OXCT1: variants seen among roughly 807,000 people sequenced by gnomAD.
The protein encoded by OXCT1 is succinyl-CoA:3-ketoacid coenzyme A transferase 1, mitochondrial.
OXCT1 carries 27 observed loss-of-function variants against 69.6 expected under a neutral mutation model. The observed-to-expected ratio is 0.39, with a 90% CI of 0.29 to 0.54. OXCT1 has a LOEUF of 0.54. Ranked by LOEUF, OXCT1 falls within the 20% of genes least tolerant of loss-of-function variation. OXCT1 has a pLI of 0.72. For missense variants in OXCT1, 437 were observed against 650.2 expected (o/e 0.67, Z 3.57); for synonymous variants, 202 against 217.8 (o/e 0.93, Z 0.64).
At chr5:41,765,458 A>T (rs1447839335) in intron 13 of OXCT1, among the ~76,000 whole-genome samples, 1 of 152,166 alleles carries the variant, frequency 6.6e-6, no homozygotes, top group Admixed American at 6.6e-5. Flanking sequence ...ATGAGTAAAA[A>T]AATAAGTGCA....
At chr5:41,864,983 AAC>A (rs1245740339) in intron 1 of OXCT1, among the ~76,000 whole-genome samples, 1 of 152,218 alleles carries the variant, frequency 6.6e-6, no homozygotes, top group Non-Finnish European at 1.5e-5. Flanking sequence ...TATGCTGAGA[AAC>A]ACAAATCCCA....
intron 7 of OXCT1, among the ~76,000 whole-genome samples, chr5:41,816,101 A>G (rs1747230661): frequency 6.6e-6 from 1 of 152,188 alleles, no homozygotes; most frequent in Non-Finnish European, 1.5e-5. Context: ...AGGATGACTC[A>G]ACAGTCCCTA....
At chr5:41,792,679 T>C (rs1401088597) in intron 13 of OXCT1, among the ~76,000 whole-genome samples, 1 of 152,216 alleles carries the variant, frequency 6.6e-6, no homozygotes, top group Non-Finnish European at 1.5e-5. Flanking sequence ...CTTGTAACTA[T>C]GGCTGATTCT....
At chr5:41,740,149 A>G (rs1743094090) in intron 15 of OXCT1, among the ~76,000 whole-genome samples, 1 of 152,176 alleles carries the variant, frequency 6.6e-6, no homozygotes, top group Non-Finnish European at 1.5e-5. Flanking sequence ...TTGAACAAAG[A>G]AAGGAATGAA....
In OXCT1 at chr5:41,807,431, T is replaced by C; in HGVS notation, c.740A>G (p.Glu247Gly). Residue 247 changes from glutamate (E) to glycine (G), a missense_variant, in exon 8 of 17, where the codon GAA becomes GGA. Physicochemically the swap from Glu to Gly is moderately conservative, Grantham distance 98. Around this residue, in one of 4 missense-constraint regions of OXCT1, gnomAD observed 252 missense variants for 397.4 expected, o/e 0.63. Coordinates refer to ENST00000196371, the MANE Select transcript of OXCT1 (RefSeq NM_000436.4). ...AAETTVVEVE[E>G]IVDIGAFAPE... is the part of the protein sequence containing the mutation. ...AGCAAATGCTCCAATATCCACAATTTCTTCAACCTAGACAAAGAGAAATTT... is the reference window on the plus strand; with the variant it reads ...AGCAAATGCTCCAATATCCACAATTCCTTCAACCTAGACAAAGAGAAATTT... 6.3e-7 allele frequency: 1 copy of C among 1,580,288 alleles called. No individual in the cohort carries two copies. Among genetic ancestry groups the C allele is most frequent in the South Asian group, 1.1e-5 (1 of 90,436 alleles).
At chr5:41,859,333 C>T (rs879284537) in intron 3 of OXCT1, among the ~76,000 whole-genome samples, 7 of 152,102 alleles carry the variant, frequency 4.6e-5, no homozygotes, top group African/African-American at 1.7e-4. Flanking sequence ...ATCTTTTATC[C>T]ATTAAATTTC....
intron 13 of OXCT1, among the ~76,000 whole-genome samples, chr5:41,792,714 A>C (rs1451034423): frequency 6.6e-6 from 1 of 152,188 alleles, no homozygotes; most frequent in Non-Finnish European, 1.5e-5. Context: ...TTTACAACTA[A>C]ACTAACAATA....
chr5:41,840,355 A>C, intron 7 of OXCT1, 96 bp downstream of exon 7: 1 of 901,258 alleles, frequency 1.1e-6, no homozygotes, highest in African/African-American at 1.7e-5. Flanking sequence ...TGTCATTGTT[A>C]TCCATAAAAC....
intron 3 of OXCT1, among the ~76,000 whole-genome samples, chr5:41,859,030 C>G (rs1169984323): frequency 6.6e-6 from 1 of 152,134 alleles, no homozygotes; most frequent in East Asian, 1.9e-4. Context: ...AAGTTTTGCA[C>G]CATTCTGAGT....
At chr5:41,846,219 G>C (rs1748897645) in intron 5 of OXCT1, among the ~76,000 whole-genome samples, 1 of 150,420 alleles carries the variant, frequency 6.6e-6, no homozygotes, top group African/African-American at 2.4e-5. Flanking sequence ...CCATGCTGGT[G>C]TGCTGCACCC....
chr5:41,803,040 G>T, intron 10 of OXCT1, 29 bp downstream of exon 10: 1 of 1,470,042 alleles, frequency 6.8e-7, no homozygotes, highest in Non-Finnish European at 9.5e-7. Flanking sequence ...CATTAAGACT[G>T]GATTTTAGAA....
chr5:41,814,530 G>A (rs922453124), intron 7 of OXCT1, among the ~76,000 whole-genome samples: 4 of 151,946 alleles, frequency 2.6e-5, no homozygotes, highest in African/African-American at 9.7e-5. Context: ...ATACACCATG[G>A]AATACTATGC....
intron 7 of OXCT1, among the ~76,000 whole-genome samples, chr5:41,828,312 C>T (rs1282509387): frequency 6.6e-6 from 1 of 150,926 alleles, no homozygotes; most frequent in Non-Finnish European, 1.5e-5. Context: ...GATGGGGTTT[C>T]ACCATGTTGG....
chr5:41,843,488 G>A, intron 5 of OXCT1: 1 of 454,358 alleles, frequency 2.2e-6, no homozygotes, highest in East Asian at 7.0e-5. Context: ...CTGATCTAGG[G>A]AATGCTATTG....
At chr5:41,841,395 C>A (rs1401382566) in intron 6 of OXCT1, among the ~76,000 whole-genome samples, 2 of 152,138 alleles carry the variant, frequency 1.3e-5, no homozygotes, top group Non-Finnish European at 2.9e-5. Context: ...GACATCCAGG[C>A]ATCAAAAGCT....
intron 13 of OXCT1, among the ~76,000 whole-genome samples, chr5:41,784,358 G>T (rs1185231452): frequency 6.6e-6 from 1 of 152,172 alleles, no homozygotes; most frequent in African/African-American, 2.4e-5. Context: ...AAAACGGGAT[G>T]CAGAAGAACA....
chr5:41,856,113 G>A (rs764811782), intron 3 of OXCT1, among the ~76,000 whole-genome samples: 9 of 152,140 alleles, frequency 5.9e-5, no homozygotes, highest in Non-Finnish European at 1.0e-4. Flanking sequence ...AGTTTTAAGC[G>A]GAAATATAAC....
intron 15 of OXCT1, among the ~76,000 whole-genome samples, chr5:41,746,745 A>G (rs186160015): frequency 5.9e-5 from 9 of 152,210 alleles, no homozygotes; most frequent in Admixed American, 5.2e-4. Flanking sequence ...TCCCAAGAAT[A>G]TCACACTGAG....
chr5:41,857,365 A>C (rs948211838), intron 3 of OXCT1, among the ~76,000 whole-genome samples: 2 of 151,784 alleles, frequency 1.3e-5, no homozygotes, highest in African/African-American at 4.8e-5. Flanking sequence ...GATGTCCCCA[A>C]CCTCACTCCA....
Sources: allele counts gnomAD v4.1 joint callset (sites outside exome capture counted in the v4.1 genomes callset), GRCh38; gene constraint gnomAD v4.1.1; regional missense constraint gnomAD v4.1.1; transcripts MANE v1.5; gene names NCBI Gene and HGNC (gene_info 2026-07-23, HGNC 2026-07-21).